Variants in FBLN5 observed in about 807,000 individuals in gnomAD.
FBLN5 encodes fibulin-5.
Under a neutral mutation model 61.6 loss-of-function variants are expected in FBLN5, and 24 were observed. That is an observed-to-expected ratio of 0.39 (90% CI 0.28 to 0.55). The LOEUF (loss-of-function observed/expected upper bound fraction) is 0.55, where lower values mean the gene tolerates loss of function less well. FBLN5 is among the 20% of genes least tolerant of loss of function. FBLN5 has a pLI of 0.65. For missense variants in FBLN5, 470 were observed against 594.1 expected, an observed-to-expected ratio of 0.79 and a Z score of 2.17; for synonymous variants, 213 against 219.8, an observed-to-expected ratio of 0.97 and a Z score of 0.27.
In FBLN5 at chr14:91,882,942, G is replaced by T. The variant is rs202088447; in HGVS notation, c.862+12C>A. On this transcript the variant is annotated intron_variant, in intron 8 of 10. Coordinates refer to ENST00000342058, the MANE Select transcript of FBLN5 (RefSeq NM_006329.4). The surrounding 1 kb of genome is among the most constrained non-coding windows in gnomAD (Gnocchi z 4.9). ...ACATACACCCCAGCCAGGCCCCTCC[G>T]GACAGCCTTACCTTGGCAGCTTCGG... 1 of 1,613,292 alleles carries T rather than the reference G, an allele frequency of 6.2e-7. No individual in the cohort carries two copies. The highest frequency in any genetic ancestry group is 1.1e-5 in the South Asian group (1 of 90,992).
chr14:91,939,632 G>A (rs1362437527), intron 3 of FBLN5, among the ~76,000 whole-genome samples: 1 of 152,042 alleles, frequency 6.6e-6, no homozygotes, highest in Non-Finnish European at 1.5e-5. Context: ...GTGAGCCACC[G>A]CACCCGGCCC....
chr14:91,934,927 T>G (rs1481882742), intron 4 of FBLN5, among the ~76,000 whole-genome samples: 1 of 152,084 alleles, frequency 6.6e-6, no homozygotes, highest in African/African-American at 2.4e-5. Flanking sequence ...CAATGCCAGC[T>G]CTTTACAATA....
At chr14:91,871,606 C>T (rs1346611517) in intron 10 of FBLN5, among the ~76,000 whole-genome samples, 1 of 152,072 alleles carries the variant, frequency 6.6e-6, no homozygotes, top group Admixed American at 6.5e-5. Flanking sequence ...AACTGTAATC[C>T]CAGCATTTGG....
intron 1 of FBLN5, chr14:91,946,840 C>T: frequency 6.6e-7 from 1 of 1,522,602 alleles, no homozygotes; most frequent in Non-Finnish European, 8.8e-7. Flanking sequence ...GCCGATGCGG[C>T]GCAGTAATTG....
At chr14:91,889,725 T>G (rs535236096) in intron 6 of FBLN5, among the ~76,000 whole-genome samples, 20 of 152,252 alleles carry the variant, frequency 1.3e-4, no homozygotes, top group Non-Finnish European at 1.8e-4. Flanking sequence ...TGCGACGCCC[T>G]GTGCTGCCCA....
chr14:91,917,474 G>T (rs1891241573), intron 4 of FBLN5, among the ~76,000 whole-genome samples: 1 of 151,304 alleles, frequency 6.6e-6, no homozygotes, highest in South Asian at 2.1e-4. Flanking sequence ...TACTCGGGAG[G>T]CTGAGACAGG....
intron 7 of FBLN5, among the ~76,000 whole-genome samples, chr14:91,883,665 A>AAAAAAAC (rs1555375090): frequency 1.4e-5 from 2 of 142,672 alleles, no homozygotes; most frequent in South Asian, 2.2e-4. Context: ...AACAAAAAAA[A>AAAAAAAC]CACACACACA....
intron 4 of FBLN5, among the ~76,000 whole-genome samples, chr14:91,907,879 G>C (rs1352895552): frequency 1.3e-5 from 2 of 151,778 alleles, no homozygotes; most frequent in South Asian, 4.1e-4. Flanking sequence ...TTGTAGTTCA[G>C]CAAAAAAACT....
At chr14:91,872,245 A>G (rs1004255073) in intron 10 of FBLN5, among the ~76,000 whole-genome samples, 2 of 152,206 alleles carry the variant, frequency 1.3e-5, no homozygotes, top group Non-Finnish European at 2.9e-5. Flanking sequence ...TCTGACCCCA[A>G]GCCCCAGGCT....
chr14:91,921,570 T>C (rs1307292216), intron 4 of FBLN5, among the ~76,000 whole-genome samples: 1 of 152,200 alleles, frequency 6.6e-6, no homozygotes, highest in Non-Finnish European at 1.5e-5. Context: ...CCAGACCTAC[T>C]GAGTCAGAAA....
Position 91,899,918 on chromosome 14 carries a change from G to A in FBLN5, c.380-4846C>T, listed in dbSNP as rs550632871. On this transcript the variant is annotated intron_variant, in intron 4 of 10. Transcript: ENST00000342058. Reference sequence around the variant, plus strand: ...CAAAATACAACTGTCCAACAATCTCGGGGACAACAAAATGAACAGAACCTT... The same window carrying A: ...CAAAATACAACTGTCCAACAATCTCAGGGACAACAAAATGAACAGAACCTT... 8.5e-5 allele frequency among the ~76,000 whole-genome samples: 13 copies of A among 152,234 alleles called. No individual in the cohort carries two copies. In the East Asian group the frequency reaches 1.2e-3, roughly 14 times the overall value.
At chr14:91,904,319 C>T (rs951221314) in intron 4 of FBLN5, among the ~76,000 whole-genome samples, 15 of 152,114 alleles carry the variant, frequency 9.9e-5, no homozygotes, top group Non-Finnish European at 1.5e-5. Context: ...ACAAGTCCAC[C>T]ATCTACCTTA....
intron 4 of FBLN5, among the ~76,000 whole-genome samples, chr14:91,897,421 A>G (rs1026696573): frequency 6.6e-6 from 1 of 152,232 alleles, no homozygotes; most frequent in Non-Finnish European, 1.5e-5. Context: ...ATGGATGGCA[A>G]TTGTGTGCTG....
chr14:91,910,877 A>G (rs1256541108), intron 4 of FBLN5, among the ~76,000 whole-genome samples: 1 of 152,230 alleles, frequency 6.6e-6, no homozygotes, highest in Non-Finnish European at 1.5e-5. Flanking sequence ...TGACGTGGGC[A>G]TCTTGAGCCT....
chr14:91,892,744 GC>G lies in FBLN5; in HGVS notation c.503-1408del, dbSNP rs555843140. 9.9e-5 allele frequency among the ~76,000 whole-genome samples: 15 copies of G among 152,276 alleles called. No individual in the cohort carries two copies. The South Asian group carries it at 2.3e-3, about 23-fold the overall frequency. On this transcript the variant is annotated intron_variant, in intron 5 of 10. Transcript: ENST00000342058. ...CTACGGGTACCTTGGAAAAAAGGCA[GC>G]CCCCCTGACCCCTCATTTTTCTGCA...
chr14:91,881,087 A>G (rs1200582238), intron 9 of FBLN5, among the ~76,000 whole-genome samples: 1 of 151,444 alleles, frequency 6.6e-6, no homozygotes, highest in Non-Finnish European at 1.5e-5. Flanking sequence ...TTTCTATTCC[A>G]GTCTGTTCTA....
chr14:91,908,997 A>G (rs1332192996), intron 4 of FBLN5, among the ~76,000 whole-genome samples: 4 of 151,844 alleles, frequency 2.6e-5, no homozygotes, highest in Non-Finnish European at 5.9e-5. Context: ...GGCTCACCGC[A>G]AGCTTCACCT....
In FBLN5 at chr14:91,943,944, C is replaced by G. The variant is rs553028517; in HGVS notation, c.18-983G>C. 2.6e-5 allele frequency among the ~76,000 whole-genome samples: 4 copies of G among 152,310 alleles called. No individual in the cohort carries two copies. In the South Asian group the frequency reaches 8.3e-4, roughly 32 times the overall value. ...ACCCTGGGCTCAGTTCTGCCATGCA[C>G]AAGACAGTGATGCTCTGGGAGTCTG... is the stretch of plus-strand genomic sequence containing the variant. On this transcript the variant is annotated intron_variant, in intron 1 of 10. Coordinates refer to ENST00000342058, the MANE Select transcript of FBLN5 (RefSeq NM_006329.4). This position sits in a 1 kb window ranked among gnomAD's most constrained non-coding sequence, Gnocchi z 4.0.
chr14:91,870,272 G>T lies in FBLN5; in HGVS notation c.1299C>A (p.Gly433=). Residue 433 remains glycine, a synonymous_variant, in exon 11 of 11, where the codon GGC becomes GGA. Transcript: ENST00000342058. ...ATATCCGCAGTCGGATCACGGAGCT[G>T]CCTCTGAAGTTGATGACAGTGTTGA... ...ITVNTVINFR[G]SSVIRLRIYV... The T allele has an allele frequency of 6.2e-7, 1 of 1,614,228 alleles. No homozygotes were observed. The highest frequency in any genetic ancestry group is 8.5e-7 in the Non-Finnish European group (1 of 1,180,022).
Sources: allele counts gnomAD v4.1 joint callset (sites outside exome capture counted in the v4.1 genomes callset), GRCh38; gene constraint gnomAD v4.1.1; non-coding constraint Gnocchi (gnomAD v3.1); transcripts MANE v1.5; gene names NCBI Gene and HGNC (gene_info 2026-07-23, HGNC 2026-07-21).